TXNRD1: variants seen among roughly 807,000 people sequenced by gnomAD.
The protein encoded by TXNRD1 is thioredoxin reductase 1, cytoplasmic.
A neutral mutation model predicts 80.3 loss-of-function variants in TXNRD1; 57 were observed. That is an observed-to-expected ratio of 0.71 (90% confidence interval 0.57 to 0.89). TXNRD1 has a LOEUF of 0.89. Ranked by LOEUF, TXNRD1 falls within the 40% of genes least tolerant of loss-of-function variation. The probability of loss-of-function intolerance (pLI) is 0.00; values close to 1 mark genes in which losing one functional copy is unlikely to be tolerated. For synonymous variants in TXNRD1, 291 were observed against 285.2 expected, an observed-to-expected ratio of 1.02 and a Z score of -0.20; for missense variants, 730 against 803.0, an observed-to-expected ratio of 0.91 and a Z score of 1.10.
intron 1 of TXNRD1, among the ~76,000 whole-genome samples, chr12:104,224,524 G>A (rs2032429073): frequency 6.6e-6 from 1 of 152,086 alleles, no homozygotes; most frequent in African/African-American, 2.4e-5. Flanking sequence ...GAGTAGCTGG[G>A]ATTACAGGTG....
At chr12:104,342,193 G>C (rs2135892111) in intron 16 of TXNRD1, among the ~76,000 whole-genome samples, 1 of 152,222 alleles carries the variant, frequency 6.6e-6, no homozygotes, top group South Asian at 2.1e-4. Context: ...CCCAGATGTA[G>C]GGGACCAGAA....
At chr12:104,328,896 T>C (rs978172808) in intron 13 of TXNRD1, among the ~76,000 whole-genome samples, 1 of 152,238 alleles carries the variant, frequency 6.6e-6, no homozygotes. Flanking sequence ...TGGGACTAGA[T>C]GGCCAGAAAA....
At chr12:104,228,673 G>A (rs2032532800) in intron 1 of TXNRD1, among the ~76,000 whole-genome samples, 1 of 152,120 alleles carries the variant, frequency 6.6e-6, no homozygotes, top group Admixed American at 6.6e-5. Context: ...ATTTAAAAGT[G>A]CACAGTTTAG....
intron 4 of TXNRD1, among the ~76,000 whole-genome samples, chr12:104,310,745 CT>C (rs778659759): frequency 9.9e-5 from 15 of 152,208 alleles, no homozygotes; most frequent in Non-Finnish European, 1.8e-4. Context: ...AAGGAATGAG[CT>C]TTGCAGAGTT....
At chr12:104,228,788 C>T (rs1458634488) in intron 1 of TXNRD1, among the ~76,000 whole-genome samples, 2 of 151,670 alleles carry the variant, frequency 1.3e-5, no homozygotes, top group African/African-American at 2.4e-5. Flanking sequence ...GATTTGATCT[C>T]GGCTCACTGC....
chr12:104,291,196 CTTTTTTTTTT>C (rs35069007), intron 4 of TXNRD1: 3 of 136,364 alleles, frequency 2.2e-5, no homozygotes, highest in Non-Finnish European at 1.4e-5. Flanking sequence ...TACTTTGTGT[CTTTTTTTTTT>C]TTTTTTTTTT....
intron 4 of TXNRD1, chr12:104,303,724 G>A (rs770404879): frequency 1.4e-5 from 11 of 800,040 alleles, no homozygotes; most frequent in Non-Finnish European, 1.8e-5. Context: ...GCGCCGGGCC[G>A]GGCCGCTAGT....
At chr12:104,333,874 T>C (rs2036044780) in intron 14 of TXNRD1, among the ~76,000 whole-genome samples, 1 of 152,226 alleles carries the variant, frequency 6.6e-6, no homozygotes, top group Admixed American at 6.6e-5. Flanking sequence ...CTTGCCCAAG[T>C]TGTCATTCAC....
chr12:104,219,225 C>T (rs1022080683), intron 1 of TXNRD1, among the ~76,000 whole-genome samples: 1 of 152,086 alleles, frequency 6.6e-6, no homozygotes, highest in African/African-American at 2.4e-5. Context: ...TGCACCAGGC[C>T]CATATTATAC....
chr12:104,278,066 A>T (rs975109845), intron 3 of TXNRD1, among the ~76,000 whole-genome samples: 15 of 149,646 alleles, frequency 1.0e-4, no homozygotes, highest in Non-Finnish European at 1.8e-4. Flanking sequence ...TTTAGTAGAG[A>T]GGGGGTTTCA....
At chr12:104,232,898 C>A (rs2135685190) in intron 1 of TXNRD1, among the ~76,000 whole-genome samples, 1 of 152,366 alleles carries the variant, frequency 6.6e-6, no homozygotes, top group South Asian at 2.1e-4. Flanking sequence ...TGGGTCCTTA[C>A]TGCAGTGTCC....
intron 3 of TXNRD1, chr12:104,286,729 C>A: frequency 9.9e-7 from 1 of 1,014,432 alleles, no homozygotes; most frequent in Non-Finnish European, 1.2e-6. Context: ...TAGCTACTGC[C>A]TTAGGGCATA....
At chr12:104,273,919 G>A (rs1353929520) in intron 3 of TXNRD1, among the ~76,000 whole-genome samples, 1 of 152,006 alleles carries the variant, frequency 6.6e-6, no homozygotes, top group East Asian at 1.9e-4. Context: ...GCGTGGTGGC[G>A]GGCACCTGTA....
At chr12:104,317,713 A>G (rs1373891935) in intron 7 of TXNRD1, among the ~76,000 whole-genome samples, 1 of 152,290 alleles carries the variant, frequency 6.6e-6, no homozygotes, top group Non-Finnish European at 1.5e-5. Context: ...GCCCTCTCCT[A>G]TAGTCCCAGC....
At position 104,334,442 on chromosome 12, in the gene TXNRD1, G is replaced by A. The variant is rs754032462; in HGVS notation, c.1746+110G>A. 3.4e-5 allele frequency: 17 copies of A among 503,730 alleles called. No individual in the cohort carries two copies. In the South Asian group the frequency reaches 3.6e-4, roughly 11 times the overall value. The allele number at this position is 503,730 out of a possible 1,614,324, so 31.2% of individuals were successfully genotyped here. A position where few individuals can be genotyped will look rare whatever the true frequency, so the allele number is the denominator to read the frequency against. ...CTGTTGCCCAGGCTGGAGTGCAGTG[G>A]CGCTATCTCTGCTCACTGCAACCTC... On this transcript the variant is annotated intron_variant, in intron 15 of 16. Coordinates refer to ENST00000525566, the MANE Select transcript of TXNRD1 (RefSeq NM_001093771.3).
intron 1 of TXNRD1, among the ~76,000 whole-genome samples, chr12:104,249,402 A>G (rs527617822): frequency 6.0e-4 from 92 of 152,298 alleles, no homozygotes; most frequent in African/African-American, 2.1e-3. Context: ...CATAGCGCTT[A>G]TATCTCAAAG....
intron 2 of TXNRD1, among the ~76,000 whole-genome samples, chr12:104,256,776 C>CAAAAAAAAAAAAAAA (rs71069738): frequency 8.4e-6 from 1 of 119,034 alleles, no homozygotes; most frequent in African/African-American, 3.3e-5. Context: ...GACTCTGTCT[C>CAAAAAAAAAAAAAAA]AAAAAAAAAA....
intron 4 of TXNRD1, among the ~76,000 whole-genome samples, chr12:104,297,926 T>C (rs1213464550): frequency 6.6e-6 from 1 of 152,204 alleles, no homozygotes; most frequent in African/African-American, 2.4e-5. Flanking sequence ...CCTGAAAGGT[T>C]GTTCTTTTCA....
chr12:104,290,994 G>C, intron 4 of TXNRD1: 1 of 663,960 alleles, frequency 1.5e-6, no homozygotes, highest in Non-Finnish European at 2.7e-6. Context: ...TTTCTTTAGA[G>C]ATGGAGGTCT....
Sources: gnomAD v4.1 joint callset for allele counts (sites outside exome capture counted in the v4.1 genomes callset) on GRCh38, gnomAD v4.1.1 for gene constraint, MANE v1.5 for transcripts, NCBI Gene and HGNC (gene_info 2026-07-23, HGNC 2026-07-21) for gene names.